Variants in MED13L observed in about 807,000 individuals in gnomAD.
MED13L encodes the protein mediator of RNA polymerase II transcription subunit 13-like.
Under a neutral mutation model 220.9 loss-of-function variants are expected in MED13L, and 7 were observed. The ratio of observed to expected loss-of-function variants is 0.03; its 90% confidence interval spans 0.02 to 0.06. The LOEUF is 0.06. MED13L is among the 10% of genes least tolerant of loss of function. MED13L has a pLI of 1.00. For missense variants in MED13L, 1,965 were observed against 2,760.5 expected (o/e 0.71, Z 6.46); for synonymous variants, 1,011 against 1,015.2 (o/e 1.00, Z 0.08).
intron 3 of MED13L, among the ~76,000 whole-genome samples, chr12:116,098,531 G>A (rs1872805029): frequency 6.6e-6 from 1 of 152,108 alleles, no homozygotes; most frequent in Non-Finnish European, 1.5e-5. Flanking sequence ...AAAGAGGATG[G>A]AAACAATTCA....
intron 21 of MED13L, 39 bp downstream of exon 21, chr12:115,983,066 AGAGAAAGGGTCT>A: frequency 6.3e-7 from 1 of 1,576,096 alleles, no homozygotes; most frequent in Non-Finnish European, 8.7e-7. Context: ...GAAGAAGAAG[AGAGAAAGGGTCT>A]GAGCTGAAGC....
chr12:116,083,713 A>G (rs934215836), intron 4 of MED13L, among the ~76,000 whole-genome samples: 1 of 152,176 alleles, frequency 6.6e-6, no homozygotes, highest in African/African-American at 2.4e-5. Flanking sequence ...TGGGCTAAAA[A>G]TTTAGAATTC....
chr12:116,098,110 G>C (rs572558040), intron 3 of MED13L, among the ~76,000 whole-genome samples: 3 of 152,174 alleles, frequency 2.0e-5, no homozygotes, highest in Admixed American at 2.0e-4. Flanking sequence ...GCTGGGCGTG[G>C]TGGTGCGCGC....
At position 115,975,670 on chromosome 12, in the gene MED13L, C is replaced by T. The variant is rs753024511; in HGVS notation, c.5433G>A (p.Glu1811=). 4 of 1,614,036 alleles carry T rather than the reference C, an allele frequency of 2.5e-6. No individual in the cohort carries two copies. Among genetic ancestry groups the T allele is most frequent in the Admixed American group, 1.7e-5 (1 of 60,000 alleles). ...ILAPIKDKQT[E]LGETFGEASQ... Reference sequence around the variant, plus strand: ...TCGCCTCACCAAACGTCTCTCCCAGCTCTGTCTGCTTGTCTTTGATTGGGG... The same window carrying T: ...TCGCCTCACCAAACGTCTCTCCCAGTTCTGTCTGCTTGTCTTTGATTGGGG... Residue 1811 remains glutamate (E), a synonymous_variant, in exon 24 of 31, where the codon GAG becomes GAA. Transcript: ENST00000281928.
chr12:116,188,826 A>T (rs1881073816), intron 2 of MED13L, among the ~76,000 whole-genome samples: 1 of 152,186 alleles, frequency 6.6e-6, no homozygotes. Flanking sequence ...CATACACTAT[A>T]TAACCTTTGA....
chr12:116,242,808 A>ATAAC (rs1870773929), intron 1 of MED13L, among the ~76,000 whole-genome samples: 1 of 152,224 alleles, frequency 6.6e-6, no homozygotes, highest in Non-Finnish European at 1.5e-5. Context: ...GATCCCAAAT[A>ATAAC]TAACTAGATT....
intron 4 of MED13L, among the ~76,000 whole-genome samples, chr12:116,046,881 G>A (rs1481790751): frequency 6.6e-6 from 1 of 152,176 alleles, no homozygotes; most frequent in African/African-American, 2.4e-5. Flanking sequence ...GCTGAGGCAG[G>A]AGAATGGCAT....
intron 4 of MED13L, among the ~76,000 whole-genome samples, chr12:116,041,866 A>G (rs1028761037): frequency 1.3e-5 from 2 of 152,066 alleles, no homozygotes; most frequent in Non-Finnish European, 2.9e-5. Flanking sequence ...AAACAAACAA[A>G]CCATATTCAA....
At chr12:116,014,725 A>C (rs1879618962) in intron 8 of MED13L, among the ~76,000 whole-genome samples, 1 of 152,178 alleles carries the variant, frequency 6.6e-6, no homozygotes, top group Non-Finnish European at 1.5e-5. Flanking sequence ...ATAGTAAATC[A>C]GCAAGGAAGG....
chr12:115,987,092 C>T lies in MED13L; in HGVS notation c.4114+17G>A, dbSNP rs1401636623. ...CACTGAAGTCAGAAGGAATTTTAAA[C>T]AGGACAAAGACCCTACCGTAGGTTC... On this transcript the variant is annotated intron_variant, in intron 18 of 30. Transcript: ENST00000281928. The T allele has an allele frequency of 8.1e-6, 13 of 1,613,638 alleles. No individual in the cohort carries two copies. Among genetic ancestry groups the T allele is most frequent in the Non-Finnish European group, 1.1e-5 (13 of 1,179,630 alleles).
chr12:116,121,418 T>C (rs1875084806), intron 2 of MED13L, among the ~76,000 whole-genome samples: 2 of 152,124 alleles, frequency 1.3e-5, no homozygotes, highest in Non-Finnish European at 2.9e-5. Context: ...CAAAGCAGCA[T>C]ATACTTCAAT....
intron 4 of MED13L, among the ~76,000 whole-genome samples, chr12:116,055,367 T>G (rs896288161): frequency 6.6e-6 from 1 of 152,146 alleles, no homozygotes; most frequent in South Asian, 2.1e-4. Context: ...TCATTGCAAG[T>G]CGGATAATTA....
chr12:115,973,688 G>A (rs1876740538), intron 25 of MED13L, among the ~76,000 whole-genome samples: 1 of 152,158 alleles, frequency 6.6e-6, no homozygotes, highest in Admixed American at 6.5e-5. Context: ...AAAGCAGACT[G>A]GGGAGGAAGA....
Position 116,119,436 on chromosome 12 carries a change from C to T in MED13L, c.311-7924G>A, listed in dbSNP as rs76840936. ...TTCTGTAGCGCCGATTGTAAAAGTGCCAAATAGTTGGATACCCAATATTCT... is the reference window on the plus strand; with the variant it reads ...TTCTGTAGCGCCGATTGTAAAAGTGTCAAATAGTTGGATACCCAATATTCT... On this transcript the variant is annotated intron_variant, in intron 2 of 30. Coordinates refer to ENST00000281928, the MANE Select transcript of MED13L (RefSeq NM_015335.5). Among the ~76,000 whole-genome samples, 314 of 152,126 alleles carry T rather than the reference C, an allele frequency of 2.1e-3. 9 individuals are homozygous for T. The East Asian group carries it at 0.049, about 24-fold the overall frequency.
chr12:115,991,883 A>C lies in MED13L; in HGVS notation c.3071T>G (p.Leu1024Trp). 6.2e-7 allele frequency: 1 copy of C among 1,603,900 alleles called. No individual in the cohort carries two copies. The highest frequency in any genetic ancestry group is 8.5e-7 in the Non-Finnish European group (1 of 1,179,924). The change falls in exon 17 of 31, where the codon TTG becomes TGG. Residue 1024 changes from leucine to tryptophan, a missense_variant. This residue lies in a region of MED13L where 233 missense variants were observed against 306.2 expected (regional missense o/e 0.76). Coordinates refer to ENST00000281928, the MANE Select transcript of MED13L (RefSeq NM_015335.5). This position sits in a 1 kb window ranked among gnomAD's most constrained non-coding sequence, Gnocchi z 7.7. Reference protein sequence around the residue: ...NTPQMNTPVTLNSAAPASNSG... With the variant: ...NTPQMNTPVTWNSAAPASNSG... Reference sequence around the variant, plus strand: ...ATTGCTGGCTGGGGCAGCGCTGTTCAACGTCACGGGTGTGTTCATCTGTGG... The same window carrying C: ...ATTGCTGGCTGGGGCAGCGCTGTTCCACGTCACGGGTGTGTTCATCTGTGG...
At chr12:116,149,169 C>T (rs185425812) in intron 2 of MED13L, among the ~76,000 whole-genome samples, 9 of 152,282 alleles carry the variant, frequency 5.9e-5, no homozygotes, top group Non-Finnish European at 1.0e-4. Context: ...TAAGACTTTC[C>T]TCATATCCCT....
intron 25 of MED13L, among the ~76,000 whole-genome samples, chr12:115,972,734 A>C (rs769263012): frequency 2.0e-5 from 3 of 152,228 alleles, no homozygotes; most frequent in Admixed American, 6.5e-5. Flanking sequence ...TAGAACACCC[A>C]AAAGAGCTCA....
intron 19 of MED13L, among the ~76,000 whole-genome samples, chr12:115,985,373 T>C (rs1877615536): frequency 6.6e-6 from 1 of 152,246 alleles, no homozygotes; most frequent in African/African-American, 2.4e-5. Flanking sequence ...ATCTCCTCAT[T>C]TCTTTGTAGC....
At chr12:116,035,137 T>C (rs1243237539) in intron 4 of MED13L, among the ~76,000 whole-genome samples, 1 of 152,210 alleles carries the variant, frequency 6.6e-6, no homozygotes, top group African/African-American at 2.4e-5. Flanking sequence ...CAGATAGCGC[T>C]TGGGTATTTT....
Sources: gnomAD v4.1 joint callset for allele counts (sites outside exome capture counted in the v4.1 genomes callset) on GRCh38, gnomAD v4.1.1 for gene constraint, gnomAD v4.1.1 regional missense constraint, Gnocchi (gnomAD v3.1) non-coding constraint, MANE v1.5 for transcripts, NCBI Gene and HGNC (gene_info 2026-07-23, HGNC 2026-07-21) for gene names.